NRG3: variants seen among roughly 807,000 people sequenced by gnomAD.
NRG3 encodes the protein pro-neuregulin-3, membrane-bound isoform.
Under a neutral mutation model 66.9 loss-of-function variants are expected in NRG3, and 31 were observed. The observed-to-expected ratio is 0.46, with a 90% CI of 0.35 to 0.63. NRG3 has a LOEUF of 0.63. NRG3 is among the 20% of genes least tolerant of loss of function. NRG3 has a pLI of 0.00. For synonymous variants in NRG3, 393 were observed against 359.4 expected (o/e 1.09, Z -1.06); for missense variants, 910 against 878.9 (o/e 1.04, Z -0.45).
chr10:82,143,595 A>G (rs557437909), intron 1 of NRG3, among the ~76,000 whole-genome samples: 1 of 152,342 alleles, frequency 6.6e-6, no homozygotes, highest in South Asian at 2.1e-4. Flanking sequence ...TCTCTTGCCC[A>G]TTGAAATCAA....
At chr10:82,054,114 T>C (rs1352182748) in intron 1 of NRG3, among the ~76,000 whole-genome samples, 2 of 152,174 alleles carry the variant, frequency 1.3e-5, no homozygotes, top group East Asian at 3.8e-4. Context: ...TACTCTGAGG[T>C]ACAGGGGAAG....
At chr10:81,993,414 A>G (rs1361903085) in intron 1 of NRG3, among the ~76,000 whole-genome samples, 1 of 152,082 alleles carries the variant, frequency 6.6e-6, no homozygotes, top group Non-Finnish European at 1.5e-5. Context: ...AGGTGTGATC[A>G]TAGCTCACTG....
At chr10:82,787,193 A>G (rs539229881) in intron 3 of NRG3, among the ~76,000 whole-genome samples, 20 of 152,248 alleles carry the variant, frequency 1.3e-4, no homozygotes, top group African/African-American at 4.8e-4. Flanking sequence ...ACTCAAAACT[A>G]GGTGATGCCC....
chr10:82,319,298 C>T (rs376009384), intron 1 of NRG3, among the ~76,000 whole-genome samples: 1 of 152,168 alleles, frequency 6.6e-6, no homozygotes, highest in African/African-American at 2.4e-5. Flanking sequence ...GCGGATTAGT[C>T]AATCGCTTTT....
At chr10:82,672,462 G>A (rs550378448) in intron 2 of NRG3, among the ~76,000 whole-genome samples, 39 of 152,284 alleles carry the variant, frequency 2.6e-4, no homozygotes, top group African/African-American at 8.7e-4. Flanking sequence ...GTGACCCCAT[G>A]GCAAACAGAA....
intron 2 of NRG3, among the ~76,000 whole-genome samples, chr10:82,564,546 G>A (rs1361160838): frequency 5.3e-5 from 8 of 152,122 alleles, no homozygotes; most frequent in African/African-American, 1.2e-4. Context: ...TTGGGATAAA[G>A]TTAATGGGTA....
At chr10:82,303,012 A>G (rs577704069) in intron 1 of NRG3, among the ~76,000 whole-genome samples, 4 of 152,274 alleles carry the variant, frequency 2.6e-5, no homozygotes, top group Admixed American at 1.3e-4. Flanking sequence ...GTTGGTGACA[A>G]TTTGGAAACT....
intron 1 of NRG3, among the ~76,000 whole-genome samples, chr10:82,346,644 C>T (rs1352362770): frequency 2.6e-5 from 4 of 151,068 alleles, no homozygotes; most frequent in African/African-American, 4.9e-5. Context: ...GGAATGGTAC[C>T]AGTTCCTCCT....
chr10:82,520,601 C>T (rs569539411), intron 2 of NRG3, among the ~76,000 whole-genome samples: 3 of 152,206 alleles, frequency 2.0e-5, no homozygotes, highest in Admixed American at 6.5e-5. Flanking sequence ...ATTGGATTGG[C>T]CAGTCTCCAA....
chr10:82,589,669 G>A (rs2046871341), intron 2 of NRG3, among the ~76,000 whole-genome samples: 1 of 152,082 alleles, frequency 6.6e-6, no homozygotes, highest in South Asian at 2.1e-4. Flanking sequence ...TCCCTTTGAG[G>A]GGAGGTAAAT....
At chr10:82,034,302 C>T (rs928000719) in intron 1 of NRG3, among the ~76,000 whole-genome samples, 5 of 150,360 alleles carry the variant, frequency 3.3e-5, no homozygotes, top group South Asian at 2.1e-4. Flanking sequence ...GTGCTTCTTC[C>T]GAATCCTTAT....
intron 2 of NRG3, among the ~76,000 whole-genome samples, chr10:82,585,122 T>A (rs1411458573): frequency 6.6e-6 from 1 of 152,030 alleles, no homozygotes; most frequent in Admixed American, 6.6e-5. Flanking sequence ...CAGGTAATTG[T>A]GTAGGCTAGC....
intron 1 of NRG3, among the ~76,000 whole-genome samples, chr10:82,011,924 A>C (rs1307550102): frequency 1.3e-5 from 2 of 152,044 alleles, no homozygotes; most frequent in African/African-American, 4.8e-5. Flanking sequence ...GCACAGTGCA[A>C]GCTGTCGGTG....
At chr10:82,970,029 T>G (rs960827228) in intron 6 of NRG3, among the ~76,000 whole-genome samples, 2 of 152,220 alleles carry the variant, frequency 1.3e-5, no homozygotes, top group African/African-American at 4.8e-5. Flanking sequence ...TATTCATTTA[T>G]GGACATTTCT....
intron 1 of NRG3, among the ~76,000 whole-genome samples, chr10:82,123,005 G>GAA (rs34900819): frequency 0.019 from 2,745 of 147,624 alleles, 48 homozygotes; most frequent in African/African-American, 0.044. Context: ...CTTTGGCAGT[G>GAA]AAAAAAAAAA....
chr10:82,919,232 A>G (rs1325130936), intron 4 of NRG3, among the ~76,000 whole-genome samples: 1 of 152,160 alleles, frequency 6.6e-6, no homozygotes. Flanking sequence ...GACCTAGGTT[A>G]TATACATTTA....
intron 2 of NRG3, among the ~76,000 whole-genome samples, chr10:82,619,336 G>A (rs1040155789): frequency 3.3e-5 from 5 of 152,162 alleles, no homozygotes; most frequent in Non-Finnish European, 7.4e-5. Context: ...GTGAGCACAA[G>A]GCTTGATAAA....
intron 2 of NRG3, among the ~76,000 whole-genome samples, chr10:82,495,317 T>A (rs1309242715): frequency 6.6e-6 from 1 of 152,188 alleles, no homozygotes; most frequent in African/African-American, 2.4e-5. Context: ...TTGACCCTTC[T>A]GGCATTATAA....
At chr10:81,888,152 G>A (rs905373499) in intron 1 of NRG3, among the ~76,000 whole-genome samples, 1 of 151,954 alleles carries the variant, frequency 6.6e-6, no homozygotes, top group East Asian at 1.9e-4. Flanking sequence ...ATGCAAAGAG[G>A]GTCTTCCTGG....
Sources: allele counts gnomAD v4.1 joint callset (sites outside exome capture counted in the v4.1 genomes callset), GRCh38; gene constraint gnomAD v4.1.1; transcripts MANE v1.5; gene names NCBI Gene and HGNC (gene_info 2026-07-23, HGNC 2026-07-21).